Variants in ZNF423 observed in about 807,000 individuals in gnomAD.
ZNF423 encodes the protein Ebf-associated zinc finger protein.
In ZNF423, 12 loss-of-function variants were observed where a neutral mutation model predicts 95.8. The observed-to-expected ratio is 0.13, with a 90% confidence interval of 0.08 to 0.20. ZNF423 has a LOEUF of 0.20. Among genes scored for constraint, ZNF423 ranks in the 10% least tolerant of loss-of-function variants. The probability of loss-of-function intolerance (pLI) is 1.00; values close to 1 mark genes in which losing one functional copy is unlikely to be tolerated. For missense variants in ZNF423, 1,316 were observed against 1,737.1 expected (o/e 0.76, Z 4.31); for synonymous variants, 749 against 711.9 (o/e 1.05, Z -0.83).
intron 5 of ZNF423, among the ~76,000 whole-genome samples, chr16:49,542,849 G>A (rs147755799): frequency 1.7e-4 from 26 of 152,310 alleles, no homozygotes; most frequent in African/African-American, 6.0e-4. Context: ...ACTTGGCAAC[G>A]AGAAAGGCAA....
chr16:49,618,867 C>T (rs1409039098), intron 5 of ZNF423, among the ~76,000 whole-genome samples: 3 of 152,090 alleles, frequency 2.0e-5, no homozygotes, highest in Non-Finnish European at 4.4e-5. Context: ...GCAAATCCTG[C>T]TGGTTATGTC....
intron 1 of ZNF423, among the ~76,000 whole-genome samples, chr16:49,815,252 T>C (rs2034818481): frequency 6.6e-6 from 1 of 152,126 alleles, no homozygotes; most frequent in South Asian, 2.1e-4. Flanking sequence ...TTTCCTGCCC[T>C]GATACCCCCA....
chr16:49,840,663 GCA>G (rs1306476844), intron 1 of ZNF423, among the ~76,000 whole-genome samples: 3 of 152,182 alleles, frequency 2.0e-5, no homozygotes, highest in South Asian at 4.2e-4. Flanking sequence ...GCACACACAT[GCA>G]CACACACATA....
At chr16:49,582,901 C>T (rs1970714851) in intron 5 of ZNF423, among the ~76,000 whole-genome samples, 1 of 152,204 alleles carries the variant, frequency 6.6e-6, no homozygotes, top group South Asian at 2.1e-4. Flanking sequence ...AGTTTTATCA[C>T]ACAACTTTCT....
chr16:49,554,271 C>T (rs1306749473), intron 5 of ZNF423, among the ~76,000 whole-genome samples: 4 of 152,238 alleles, frequency 2.6e-5, no homozygotes, highest in South Asian at 2.1e-4. Flanking sequence ...CAGGTAGTAA[C>T]GCCGGGCATA....
At chr16:49,518,287 T>C in intron 7 of ZNF423, 1 of 392,186 alleles carries the variant, frequency 2.5e-6, no homozygotes, top group Non-Finnish European at 4.9e-6. Context: ...CCAAGGTAAG[T>C]ATATTGTATA....
intron 5 of ZNF423, among the ~76,000 whole-genome samples, chr16:49,559,881 G>A (rs1969961165): frequency 6.6e-6 from 1 of 152,198 alleles, no homozygotes. Flanking sequence ...CAAGAGAGGT[G>A]CAAACGGTAC....
intron 5 of ZNF423, among the ~76,000 whole-genome samples, chr16:49,529,788 G>C (rs1334056857): frequency 6.6e-6 from 1 of 152,134 alleles, no homozygotes; most frequent in Non-Finnish European, 1.5e-5. Flanking sequence ...TGGGAGGGAG[G>C]AGCGGCGGGC....
At chr16:49,518,242 C>A in intron 7 of ZNF423, 1 of 383,808 alleles carries the variant, frequency 2.6e-6, no homozygotes, top group Middle Eastern at 8.4e-4. Context: ...TATTTTGAAC[C>A]ATTTCTTGCA....
At chr16:49,643,432 C>G (rs1266947875) in intron 3 of ZNF423, among the ~76,000 whole-genome samples, 1 of 152,090 alleles carries the variant, frequency 6.6e-6, no homozygotes, top group Non-Finnish European at 1.5e-5. Context: ...ATGAGAAAAC[C>G]AGGGCACAGA....
At position 49,489,021 on chromosome 16, in the gene ZNF423, G is replaced by A. The variant is rs1167124523; in HGVS notation, c.*2254C>T. Reference sequence around the variant, plus strand: ...CTAGGCCGCCTCTCTCCTTACCCAAGGCATCAGCCGGCTTCGCTGCTGATT... The same window carrying A: ...CTAGGCCGCCTCTCTCCTTACCCAAAGCATCAGCCGGCTTCGCTGCTGATT... On this transcript the variant is annotated 3_prime_UTR_variant, in exon 8 of 8. Transcript: ENST00000563137. 6.6e-6 allele frequency: 1 copy of A among 152,164 alleles called. No individual in the cohort carries two copies. Among genetic ancestry groups the A allele is most frequent in the East Asian group, 1.9e-4 (1 of 5,182 alleles). 9.4% of individuals were successfully genotyped at this position (152,164 alleles called of 1,614,324 possible). A position where few individuals can be genotyped will look rare whatever the true frequency, so the allele number is the denominator to read the frequency against.
chr16:49,639,533 G>C (rs888630241), intron 3 of ZNF423, among the ~76,000 whole-genome samples: 1 of 152,182 alleles, frequency 6.6e-6, no homozygotes, highest in African/African-American at 2.4e-5. Flanking sequence ...AGGGAACCTA[G>C]GGCACTGAAG....
chr16:49,547,990 A>G (rs1389377455), intron 5 of ZNF423, among the ~76,000 whole-genome samples: 1 of 152,156 alleles, frequency 6.6e-6, no homozygotes, highest in Non-Finnish European at 1.5e-5. Flanking sequence ...AAATGAATCG[A>G]TTTGAATTTT....
chr16:49,673,442 C>T lies in ZNF423; in HGVS notation c.302-34568G>A, dbSNP rs532741430. On this transcript the variant is annotated intron_variant, in intron 3 of 7. Coordinates refer to ENST00000563137, the MANE Select transcript of ZNF423 (RefSeq NM_001379286.1). The stretch of plus-strand genomic sequence containing the variant: ...CACCAGCGTGAGCGGTGGTGTCCAG[C>T]GCTAACCGAGGCTGGCCTGGACTGC... Among the ~76,000 whole-genome samples, 15 of 152,322 alleles carry T rather than the reference C, an allele frequency of 9.8e-5. 1 individual carries two copies. The South Asian group carries it at 2.7e-3, about 27-fold the overall frequency.
chr16:49,843,723 T>A (rs2035214955), intron 1 of ZNF423, among the ~76,000 whole-genome samples: 1 of 152,076 alleles, frequency 6.6e-6, no homozygotes, highest in African/African-American at 2.4e-5. Flanking sequence ...ATGGGGTCTT[T>A]CTTTTCTATT....
chr16:49,541,314 C>T (rs983567940), intron 5 of ZNF423, among the ~76,000 whole-genome samples: 1 of 152,196 alleles, frequency 6.6e-6, no homozygotes, highest in African/African-American at 2.4e-5. Flanking sequence ...CAGAGACAAA[C>T]GTCTTCTCTA....
intron 1 of ZNF423, among the ~76,000 whole-genome samples, chr16:49,844,656 CTCAT>C (rs1274918585): frequency 1.3e-5 from 2 of 152,264 alleles, no homozygotes; most frequent in Non-Finnish European, 2.9e-5. Flanking sequence ...TCACTAGTCA[CTCAT>C]TCATTCATTC....
At chr16:49,651,908 C>T (rs1318910583) in intron 3 of ZNF423, among the ~76,000 whole-genome samples, 3 of 152,244 alleles carry the variant, frequency 2.0e-5, no homozygotes, top group East Asian at 1.9e-4. Flanking sequence ...TACAGTTACC[C>T]GTGCACAAGA....
chr16:49,762,123 T>G (rs991692333), intron 2 of ZNF423, among the ~76,000 whole-genome samples: 1 of 152,172 alleles, frequency 6.6e-6, no homozygotes, highest in Non-Finnish European at 1.5e-5. Context: ...AAATCCATAT[T>G]TAAAAGCTGC....
Sources: allele counts gnomAD v4.1 joint callset (sites outside exome capture counted in the v4.1 genomes callset), GRCh38; gene constraint gnomAD v4.1.1; transcripts MANE v1.5; gene names NCBI Gene and HGNC (gene_info 2026-07-23, HGNC 2026-07-21).